Variants in WIPI1 observed in about 807,000 individuals in gnomAD.
WIPI1 encodes the protein WD repeat domain phosphoinositide-interacting protein 1.
A neutral mutation model predicts 55.3 loss-of-function variants in WIPI1; 45 were observed. The observed-to-expected ratio is 0.81, with a 90% CI of 0.64 to 1.04. The LOEUF (loss-of-function observed/expected upper bound fraction) is 1.04, where lower values mean the gene tolerates loss of function less well. Ranked by LOEUF, WIPI1 falls within the 50% of genes least tolerant of loss-of-function variation. WIPI1 has a pLI of 0.00. For synonymous variants in WIPI1, 195 were observed against 217.6 expected, an observed-to-expected ratio of 0.90 and a Z score of 0.92; for missense variants, 445 against 559.0, an observed-to-expected ratio of 0.80 and a Z score of 2.06.
intron 7 of WIPI1, among the ~76,000 whole-genome samples, 160 bp downstream of exon 7, chr17:68,434,396 A>G (rs2083684115): frequency 6.6e-6 from 1 of 152,204 alleles, no homozygotes; most frequent in South Asian, 2.1e-4. Context: ...GCTGAGCCCT[A>G]AGTAAAGCCT....
intron 10 of WIPI1, 192 bp from the exon 11 acceptor site, chr17:68,427,445 C>T (rs931496958): frequency 4.8e-6 from 2 of 413,210 alleles, no homozygotes; most frequent in East Asian, 4.9e-5. Context: ...CAACCTCCGC[C>T]TCCTGGGTTC....
intron 7 of WIPI1, 79 bp downstream of exon 7, chr17:68,434,477 C>T: frequency 6.8e-7 from 1 of 1,472,776 alleles, no homozygotes; most frequent in Admixed American, 1.9e-5. Context: ...CACTCTCTGT[C>T]CTCTCCCTAG....
intron 4 of WIPI1, among the ~76,000 whole-genome samples, chr17:68,437,507 T>C (rs2083869067): frequency 6.6e-6 from 1 of 151,316 alleles, no homozygotes; most frequent in Admixed American, 6.6e-5. Flanking sequence ...TGAGTGAAGA[T>C]AGTGCCACTG....
At chr17:68,424,372 T>C (rs995898999) in intron 12 of WIPI1, 4 of 518,174 alleles carry the variant, frequency 7.7e-6, no homozygotes, top group Admixed American at 4.1e-5. Context: ...AGCTTTGTTT[T>C]CTAAGCCAAA....
Position 68,457,449 on chromosome 17 carries a change from T to C in WIPI1, c.-28A>G, listed in dbSNP as rs1380222702. ...GGGGCTCGGCCCGGGAAGCCGCAGC[T>C]CGGAGCCGGCGACAGCCACCTCAGC... On this transcript the variant is annotated 5_prime_UTR_variant, in exon 1 of 13. Coordinates refer to ENST00000262139, the MANE Select transcript of WIPI1 (RefSeq NM_017983.7). 8.8e-6 allele frequency: 13 copies of C among 1,474,202 alleles called. No individual in the cohort carries two copies. Among genetic ancestry groups the C allele is most frequent in the Non-Finnish European group, 1.1e-5 (12 of 1,112,536 alleles). The allele number at this position is 1,474,202 out of a possible 1,614,324, so 91.3% of individuals were successfully genotyped here.
Position 68,457,360 on chromosome 17 carries a change from G to C in WIPI1, c.62C>G (p.Ser21Cys). ...AGCTTACGTGCAGTCCTGGTTGAAA[G>C]AGAAGCAGCTGAGCGCCGACTCAAC... ...GGVESALSCF[S>C]FNQDCTSLAT... is the part of the protein sequence containing the mutation. The change falls in exon 1 of 13, where the codon TCT becomes TGT. Residue 21 changes from serine to cysteine, a missense_variant. Ser to Cys is a moderately radical substitution (Grantham distance 112). Transcript: ENST00000262139. 3 of 1,544,814 alleles carry C rather than the reference G, an allele frequency of 1.9e-6. No individual in the cohort carries two copies. Among genetic ancestry groups the C allele is most frequent in the Non-Finnish European group, 2.6e-6 (3 of 1,145,694 alleles).
chr17:68,425,272 G>C (rs7214022), intron 12 of WIPI1, among the ~76,000 whole-genome samples: 1 of 152,172 alleles, frequency 6.6e-6, no homozygotes, highest in African/African-American at 2.4e-5. Flanking sequence ...GGCACAATCA[G>C]AGCTCACTGC....
Position 68,434,558 on chromosome 17 carries a change from T to C in WIPI1, c.690A>G (p.Lys230=). 6.2e-7 allele frequency: 1 copy of C among 1,613,836 alleles called. No homozygotes were observed. The change falls in exon 7 of 13, where the codon AAA becomes AAG. Residue 230 remains lysine (K), a splice_region_variant and synonymous_variant. Transcript: ENST00000262139. ...TGGGTTTGACATTGAACACAGACCTTTTCATCCCTCTCCGGAACTCATAGA... is the reference window on the plus strand; with the variant it reads ...TGGGTTTGACATTGAACACAGACCTCTTCATCCCTCTCCGGAACTCATAGA... ...QKLYEFRRGM[K]RYVTISSLVF...
chr17:68,426,247 A>AGGGG lies in WIPI1; in HGVS notation c.1193-73_1193-72insCCCC, dbSNP rs150170943. 3 of 668,430 alleles carry AGGGG rather than the reference A, an allele frequency of 4.5e-6. 1 individual carries two copies. Among genetic ancestry groups the AGGGG allele is most frequent in the Non-Finnish European group, 2.3e-6 (1 of 434,846 alleles). 41.4% of individuals were successfully genotyped at this position (668,430 alleles called of 1,614,324 possible). A position where few individuals can be genotyped will look rare whatever the true frequency, so the allele number is the denominator to read the frequency against. ...TTATGCCATGACCTGGCGGGTGGGG[A>AGGGG]GCGGGGGCTCAAATAAAGGGCAAAG... On this transcript the variant is annotated intron_variant, in intron 11 of 12. Transcript: ENST00000262139.
intron 1 of WIPI1, among the ~76,000 whole-genome samples, chr17:68,453,844 A>G (rs966283043): frequency 3.3e-5 from 5 of 152,288 alleles, no homozygotes; most frequent in African/African-American, 1.2e-4. Flanking sequence ...TCCTTTCATC[A>G]GTTTCCAGAA....
chr17:68,424,044 T>G (rs927073644), intron 12 of WIPI1, among the ~76,000 whole-genome samples: 4 of 152,170 alleles, frequency 2.6e-5, no homozygotes, highest in Non-Finnish European at 5.9e-5. Flanking sequence ...AAGCCTCGAC[T>G]TCAGGTAAAT....
At chr17:68,450,555 A>T (rs2084459790) in intron 3 of WIPI1, among the ~76,000 whole-genome samples, 173 bp downstream of exon 3, 1 of 152,234 alleles carries the variant, frequency 6.6e-6, no homozygotes, top group Admixed American at 6.5e-5. Flanking sequence ...CGTTACAACC[A>T]GCACCTGGAG....
At chr17:68,440,780 A>G (rs143351411) in intron 4 of WIPI1, 10 of 152,344 alleles carry the variant, frequency 6.6e-5, no homozygotes, top group African/African-American at 2.4e-4. Context: ...ATGATTCTAA[A>G]TGATTCTCAT....
intron 10 of WIPI1, 136 bp downstream of exon 10, chr17:68,428,693 A>C (rs2083366454): frequency 1.5e-6 from 1 of 668,400 alleles, no homozygotes; most frequent in South Asian, 1.8e-5. Context: ...GCACTTGCCC[A>C]CTAGAGGTTT....
At chr17:68,443,465 G>T (rs891580640) in intron 4 of WIPI1, among the ~76,000 whole-genome samples, 1 of 152,172 alleles carries the variant, frequency 6.6e-6, no homozygotes, top group Non-Finnish European at 1.5e-5. Context: ...TGAAAGCACT[G>T]AAATCAACAG....
chr17:68,440,394 G>T (rs1216694953), intron 4 of WIPI1, among the ~76,000 whole-genome samples: 2 of 152,140 alleles, frequency 1.3e-5, no homozygotes, highest in African/African-American at 4.8e-5. Flanking sequence ...TCTGTTACAG[G>T]TGTTACACAA....
intron 3 of WIPI1, 82 bp downstream of exon 3, chr17:68,450,646 C>A (rs1955493992): frequency 1.3e-6 from 2 of 1,499,502 alleles, no homozygotes; most frequent in Non-Finnish European, 1.8e-6. Context: ...GTTTTACAGA[C>A]ATTGATCTTG....
intron 9 of WIPI1, among the ~76,000 whole-genome samples, chr17:68,429,722 G>C (rs2083423552): frequency 6.6e-6 from 1 of 152,098 alleles, no homozygotes; most frequent in Non-Finnish European, 1.5e-5. Context: ...CCAAGTAGCT[G>C]GGACTACAGG....
intron 3 of WIPI1, chr17:68,448,262 C>T (rs2084364620): frequency 6.6e-6 from 1 of 152,144 alleles, no homozygotes; most frequent in African/African-American, 2.4e-5. Context: ...AAGTCCCAAA[C>T]CTGAAAGTTT....
Sources: gnomAD v4.1 joint callset for allele counts (sites outside exome capture counted in the v4.1 genomes callset) on GRCh38, gnomAD v4.1.1 for gene constraint, MANE v1.5 for transcripts, NCBI Gene and HGNC (gene_info 2026-07-23, HGNC 2026-07-21) for gene names.